Variants in PRPF40B observed in about 807,000 individuals in gnomAD.
PRPF40B encodes the protein pre-mRNA-processing factor 40 homolog B.
PRPF40B carries 56 observed loss-of-function variants against 124.5 expected under a neutral mutation model. The observed-to-expected ratio is 0.45, with a 90% confidence interval of 0.36 to 0.56. The LOEUF is 0.56. Among genes scored for constraint, PRPF40B ranks in the 20% least tolerant of loss-of-function variants. The pLI, the probability that PRPF40B is intolerant of heterozygous loss-of-function variation, is 0.00. For synonymous variants in PRPF40B, 443 were observed against 426.4 expected (o/e 1.04, Z -0.48); for missense variants, 1,053 against 1,169.5 (o/e 0.90, Z 1.45).
At position 49,642,268 on chromosome 12, in the gene PRPF40B, C is replaced by T. The variant is rs1942779602; in HGVS notation, c.1918C>T (p.Arg640Trp). 4 of 1,614,038 alleles carry T rather than the reference C, an allele frequency of 2.5e-6. No individual in the cohort carries two copies. The highest frequency in any genetic ancestry group is 1.3e-5 in the African/African-American group (1 of 74,932). Reference sequence around the variant, plus strand: ...GAAAGCAGAGGCACGGGAGAGGGAGCGGGAGAAGGAGGAGGCACGCAGGAT... The same window carrying T: ...GAAAGCAGAGGCACGGGAGAGGGAGTGGGAGAAGGAGGAGGCACGCAGGAT... ...LEKAEARERE[R>W]EKEEARRMRR... The change falls in exon 20 of 26, where the codon CGG becomes TGG. Residue 640 changes from arginine (R) to tryptophan (W), a missense_variant. Arg to Trp is a moderately radical substitution (Grantham distance 101, BLOSUM62 -3). Around this residue, in one of 2 missense-constraint regions of PRPF40B, gnomAD observed 895 missense variants for 1,052.2 expected, o/e 0.85. Coordinates refer to ENST00000548825, the MANE Select transcript of PRPF40B (RefSeq NM_001031698.3). This position sits in a 1 kb window ranked among gnomAD's most constrained non-coding sequence, Gnocchi z 5.8.
chr12:49,634,711 C>T, intron 12 of PRPF40B, 109 bp downstream of exon 12: 1 of 1,392,308 alleles, frequency 7.2e-7, no homozygotes, highest in Non-Finnish European at 9.9e-7. Context: ...AGAGTCAGGA[C>T]AGTGATAGAT....
In PRPF40B at chr12:49,642,561, A is replaced by G; in HGVS notation, c.2023-19A>G. On this transcript the variant is annotated intron_variant, in intron 20 of 25. Transcript: ENST00000548825. The surrounding 1 kb of genome is among the most constrained non-coding windows in gnomAD (Gnocchi z 5.8). ...CTGAGTGGGGCCTAGTCTGATCAGC[A>G]GTGCTCTCCTCGTTCAAGGTCCGTG... is the stretch of plus-strand genomic sequence containing the variant. 6.2e-7 allele frequency: 1 copy of G among 1,613,704 alleles called. No homozygotes were observed. Among genetic ancestry groups the G allele is most frequent in the South Asian group, 1.1e-5 (1 of 91,052 alleles).
intron 4 of PRPF40B, chr12:49,632,371 A>C: frequency 1.7e-6 from 1 of 589,410 alleles, no homozygotes; most frequent in Non-Finnish European, 3.0e-6. Flanking sequence ...GTCTCAACAA[A>C]ATACTCTCAC....
chr12:49,632,748 A>T, intron 5 of PRPF40B, 107 bp from the exon 6 acceptor site: 1 of 1,597,690 alleles, frequency 6.3e-7, no homozygotes. Flanking sequence ...TGGGATATTG[A>T]TGGGACCAGG....
At chr12:49,625,531 T>A (rs750777370) in intron 1 of PRPF40B, among the ~76,000 whole-genome samples, 2 of 152,220 alleles carry the variant, frequency 1.3e-5, no homozygotes, top group African/African-American at 2.4e-5. Flanking sequence ...CTCTCCATTC[T>A]TGTCCTTTTC....
At chr12:49,637,349 C>A in intron 16 of PRPF40B, 121 bp from the exon 17 acceptor site, 2 of 665,056 alleles carry the variant, frequency 3.0e-6, no homozygotes, top group Non-Finnish European at 5.3e-6. Flanking sequence ...GCCTCTCTTG[C>A]CTGCATTTCC....
Position 49,642,711 on chromosome 12 carries a change from C to T in PRPF40B, c.2118+36C>T, listed in dbSNP as rs767403831. On this transcript the variant is annotated intron_variant, in intron 21 of 25. Coordinates refer to ENST00000548825, the MANE Select transcript of PRPF40B (RefSeq NM_001031698.3). The surrounding 1 kb of genome is among the most constrained non-coding windows in gnomAD (Gnocchi z 5.8). ...CTTGTCCTCTGGATCTGCCTCAGGC[C>T]CTTGAACTCATTAGACCAGTTCAAC... 1.8e-5 allele frequency: 29 copies of T among 1,596,832 alleles called. No individual in the cohort carries two copies. Among genetic ancestry groups the T allele is most frequent in the Admixed American group, 3.4e-5 (2 of 58,024 alleles).
chr12:49,634,178 T>C (rs1264026966), intron 10 of PRPF40B, 86 bp downstream of exon 10: 9 of 1,574,458 alleles, frequency 5.7e-6, no homozygotes, highest in Non-Finnish European at 7.8e-6. Flanking sequence ...GGCCTCTCTC[T>C]CAGGAGGGGT....
intron 9 of PRPF40B, 54 bp from the exon 10 acceptor site, chr12:49,633,832 A>G: frequency 6.2e-7 from 1 of 1,610,008 alleles, no homozygotes; most frequent in Non-Finnish European, 8.5e-7. Flanking sequence ...CCAGCCCCTG[A>G]AGTCCTCCAT....
intron 1 of PRPF40B, among the ~76,000 whole-genome samples, chr12:49,628,488 T>C (rs1319822741): frequency 6.6e-6 from 1 of 151,760 alleles, no homozygotes; most frequent in Non-Finnish European, 1.5e-5. Context: ...ACTCCTTACC[T>C]CAGGTGATCT....
At chr12:49,629,288 G>T (rs181712812) in intron 1 of PRPF40B, among the ~76,000 whole-genome samples, 105 of 152,152 alleles carry the variant, frequency 6.9e-4, no homozygotes, top group African/African-American at 2.4e-3. Context: ...AGATCATATC[G>T]AGACAATAAG....
At chr12:49,638,477 C>T (rs541810928) in intron 18 of PRPF40B, 2 of 152,346 alleles carry the variant, frequency 1.3e-5, no homozygotes, top group South Asian at 2.1e-4. Context: ...TCGCAAGTGT[C>T]AGCTGCCATT....
chr12:49,643,681 C>G lies in PRPF40B; in HGVS notation c.2381-10C>G. On this transcript the variant is annotated splice_polypyrimidine_tract_variant and intron_variant, in intron 23 of 25. Transcript: ENST00000548825. ...CTGTTGGGACTTAGTAGGGATTTTT[C>G]TATCTCTAGATCATGGCCTTCGGAA... is the stretch of plus-strand genomic sequence containing the variant. The G allele has an allele frequency of 6.2e-7, 1 of 1,611,998 alleles. No homozygotes were observed. Among genetic ancestry groups the G allele is most frequent in the South Asian group, 1.1e-5 (1 of 90,644 alleles).
At chr12:49,634,168 G>C (rs1462843149) in intron 10 of PRPF40B, 76 bp downstream of exon 10, 16 of 1,578,900 alleles carry the variant, frequency 1.0e-5, no homozygotes, top group Non-Finnish European at 1.3e-5. Flanking sequence ...TCCTCTGCTG[G>C]GCCTCTCTCT....
rs750255141 is a variant in PRPF40B, at chr12:49,637,565, C to T, written c.1656C>T (p.Ala552=). The T allele has an allele frequency of 1.9e-6, 3 of 1,613,792 alleles. No individual in the cohort carries two copies. The Admixed American group carries it at 5.0e-5, about 27-fold the overall frequency. The change falls in exon 17 of 26, where the codon GCC becomes GCT. Residue 552 remains alanine (A), a synonymous_variant. Transcript: ENST00000548825. ...YPAVSTDVRF[A]NMLGQPGSTP... is the part of the protein sequence containing the mutation. ...CAGTCAGCACTGATGTCCGCTTTGCCAACATGCTGGGCCAGCCGGGTAAGG... is the reference window on the plus strand; with the variant it reads ...CAGTCAGCACTGATGTCCGCTTTGCTAACATGCTGGGCCAGCCGGGTAAGG...
chr12:49,639,789 G>T (rs1382256660), intron 18 of PRPF40B: 4 of 152,246 alleles, frequency 2.6e-5, no homozygotes, highest in Non-Finnish European at 5.9e-5. Context: ...TGTCAGGGCA[G>T]TGGATGATGG....
chr12:49,633,915 TTCAGCCACAGCCACC>T lies in PRPF40B; in HGVS notation c.648_662del (p.Pro217_Pro221del), dbSNP rs766510746. 3.7e-6 allele frequency: 6 copies of T among 1,614,018 alleles called. No homozygotes were observed. Among genetic ancestry groups the T allele is most frequent in the Admixed American group, 3.3e-5 (2 of 60,008 alleles). On this transcript the variant is annotated inframe_deletion, in exon 10 of 26. Coordinates refer to ENST00000548825, the MANE Select transcript of PRPF40B (RefSeq NM_001031698.3). ...CAGCAGCAGCAGCTGCCACAGACACTTCAGCCACAGCCACCTCAGCCACAGCCTGACCCCCCACCT... is the reference window on the plus strand; with the variant it reads ...CAGCAGCAGCAGCTGCCACAGACACTTCAGCCACAGCCTGACCCCCCACCT...
rs369007204 is a variant in PRPF40B, at chr12:49,644,016, G to A, written c.2586+12G>A. On this transcript the variant is annotated intron_variant, in intron 25 of 25. Transcript: ENST00000548825. ...TCAAGAAGGAGAAGGTGAGGGGCAG[G>A]GGCCCTAGGCCAGTCAGCACGCTGG... is the stretch of plus-strand genomic sequence containing the variant. The A allele has an allele frequency of 1.2e-6, 2 of 1,614,030 alleles. No individual in the cohort carries two copies. Among genetic ancestry groups the A allele is most frequent in the Non-Finnish European group, 1.7e-6 (2 of 1,180,026 alleles).
At chr12:49,633,801 T>G in intron 9 of PRPF40B, 85 bp from the exon 10 acceptor site, 2 of 1,606,048 alleles carry the variant, frequency 1.2e-6, no homozygotes, top group Non-Finnish European at 1.7e-6. Flanking sequence ...GCCCCAGTCC[T>G]TCCCAGGATA....
Sources: allele counts gnomAD v4.1 joint callset (sites outside exome capture counted in the v4.1 genomes callset), GRCh38; gene constraint gnomAD v4.1.1; regional missense constraint gnomAD v4.1.1; non-coding constraint Gnocchi (gnomAD v3.1); transcripts MANE v1.5; gene names NCBI Gene and HGNC (gene_info 2026-07-23, HGNC 2026-07-21).